The following ANK3 variants were observed in gnomAD, a reference collection of about 807,000 sequenced individuals.
The protein encoded by ANK3 is ankyrin 3.
ANK3 carries 57 observed loss-of-function variants against 370.9 expected under a neutral mutation model. The observed-to-expected ratio is 0.15, with a 90% CI of 0.12 to 0.19. The LOEUF (loss-of-function observed/expected upper bound fraction) is 0.19, where lower values mean the gene tolerates loss of function less well. ANK3 is among the 10% of genes least tolerant of loss of function. The pLI is 1.00. For synonymous variants in ANK3, 1,929 were observed against 1,946.3 expected, an observed-to-expected ratio of 0.99 and a Z score of 0.23; for missense variants, 4,439 against 5,302.1, an observed-to-expected ratio of 0.84 and a Z score of 5.06.
At position 60,654,315 on chromosome 10, in the gene ANK3, T is replaced by G. The variant is rs184796385; in HGVS notation, c.58-39091A>C. Among the ~76,000 whole-genome samples, 13 of 152,296 alleles carry G rather than the reference T, an allele frequency of 8.5e-5. No homozygotes were observed. In the East Asian group the frequency reaches 2.5e-3, roughly 29 times the overall value. ...ACATATTTTATTTTTCTTGCTTTACTACATTAATTAGGATCTCCAGTACCG... is the reference window on the plus strand; with the variant it reads ...ACATATTTTATTTTTCTTGCTTTACGACATTAATTAGGATCTCCAGTACCG... On this transcript the variant is annotated intron_variant, in intron 1 of 43. Coordinates refer to the ANK3 transcript ENST00000373827.
chr10:60,171,165 A>C (rs2095781649), intron 21 of ANK3, among the ~76,000 whole-genome samples: 1 of 152,220 alleles, frequency 6.6e-6, no homozygotes, highest in Non-Finnish European at 1.5e-5. Context: ...TGAAAGCAAC[A>C]TGTGGAAATT....
At chr10:60,144,104 T>A in intron 23 of ANK3, 1 of 332,374 alleles carries the variant, frequency 3.0e-6, no homozygotes, top group Non-Finnish European at 5.8e-6. Context: ...AGCTGCTGAC[T>A]GCAATCTCAT....
At chr10:60,041,252 T>C (rs2076041207) in intron 43 of ANK3, among the ~76,000 whole-genome samples, 1 of 152,176 alleles carries the variant, frequency 6.6e-6, no homozygotes, top group Non-Finnish European at 1.5e-5. Context: ...CACTCTTGCC[T>C]AAAATCCCTT....
chr10:60,732,489 A>G (rs182800309), intron 1 of ANK3, among the ~76,000 whole-genome samples: 2 of 152,188 alleles, frequency 1.3e-5, no homozygotes, highest in East Asian at 1.9e-4. Context: ...TCGTCAGGCA[A>G]CCGATTTCTA....
At chr10:60,492,911 C>G (rs1463224208) in intron 2 of ANK3, among the ~76,000 whole-genome samples, 1 of 139,880 alleles carries the variant, frequency 7.1e-6, no homozygotes, top group Non-Finnish European at 1.5e-5. Context: ...CCTGTCTCTA[C>G]TAAAAATACA....
intron 2 of ANK3, among the ~76,000 whole-genome samples, chr10:60,588,857 C>T (rs1303821321): frequency 2.0e-5 from 3 of 152,148 alleles, no homozygotes; most frequent in Admixed American, 6.5e-5. Flanking sequence ...CTGCAGTGAG[C>T]CATGTTCGCG....
chr10:60,313,164 G>A lies in ANK3; in HGVS notation c.115-33525C>T, dbSNP rs113979418. Among the ~76,000 whole-genome samples, 645 of 152,258 alleles carry A rather than the reference G, an allele frequency of 4.2e-3. 3 individuals carry two copies. The highest frequency in any genetic ancestry group is 0.027 in the Middle Eastern group (8 of 294). ...ATTGAGCACGTCTAGTCTGGAAATG[G>A]CGCTTACTCCCAGGACCCTGCGGAT... On this transcript the variant is annotated intron_variant, in intron 1 of 43. Transcript: ENST00000280772.
intron 2 of ANK3, among the ~76,000 whole-genome samples, chr10:60,423,594 T>C (rs530101923): frequency 6.6e-6 from 1 of 151,998 alleles, no homozygotes; most frequent in Non-Finnish European, 1.5e-5. Flanking sequence ...CTATATCCCT[T>C]ATGTACTAAT....
chr10:60,489,605 T>C (rs1197782687), intron 2 of ANK3, among the ~76,000 whole-genome samples: 1 of 152,188 alleles, frequency 6.6e-6, no homozygotes, highest in Non-Finnish European at 1.5e-5. Flanking sequence ...CTATACATAG[T>C]TCAAATTCAT....
At chr10:60,301,285 CATATACACACACAT>C (rs1566395600) in intron 1 of ANK3, among the ~76,000 whole-genome samples, 2 of 148,996 alleles carry the variant, frequency 1.3e-5, no homozygotes, top group African/African-American at 2.5e-5. Context: ...CACACGCACA[CATATACACACACAT>C]ACATATATAC....
chr10:60,254,250 A>G (rs1306499486), intron 7 of ANK3, among the ~76,000 whole-genome samples: 2 of 151,558 alleles, frequency 1.3e-5, no homozygotes, highest in African/African-American at 4.8e-5. Context: ...TTTCCCCCCA[A>G]ATATCTTCCA....
At chr10:60,114,427 G>A (rs2132113460) in intron 25 of ANK3, 96 bp from the exon 26 acceptor site, 1 of 524,726 alleles carries the variant, frequency 1.9e-6, no homozygotes. Context: ...TCTAATTCCA[G>A]ATAGACTTAC....
At chr10:60,102,602 A>T (rs2091468737) in intron 28 of ANK3, among the ~76,000 whole-genome samples, 1 of 152,216 alleles carries the variant, frequency 6.6e-6, no homozygotes, top group South Asian at 2.1e-4. Context: ...CCCAGGAGTT[A>T]TTCTACTAGT....
chr10:60,455,646 A>G (rs903684549), intron 2 of ANK3, among the ~76,000 whole-genome samples: 2 of 152,172 alleles, frequency 1.3e-5, no homozygotes, highest in Non-Finnish European at 2.9e-5. Context: ...TTAGTCAAAG[A>G]GGTGACTATA....
intron 1 of ANK3, among the ~76,000 whole-genome samples, chr10:60,353,268 C>CA (rs940759338): frequency 1.3e-5 from 2 of 151,076 alleles, no homozygotes. Context: ...GCTGGGATTA[C>CA]AGGCATGAGC....
intron 1 of ANK3, among the ~76,000 whole-genome samples, chr10:60,377,354 G>T (rs1165334110): frequency 6.6e-6 from 1 of 152,148 alleles, no homozygotes; most frequent in Non-Finnish European, 1.5e-5. Context: ...ATTGTTCAAG[G>T]TTATGATTTT....
At chr10:60,420,557 T>C (rs906701724) in intron 2 of ANK3, among the ~76,000 whole-genome samples, 4 of 151,818 alleles carry the variant, frequency 2.6e-5, no homozygotes, top group Admixed American at 2.6e-4. Context: ...ACCCAGAGAA[T>C]AAAAGTAAGT....
chr10:60,195,447 A>G (rs1468875966), intron 16 of ANK3, among the ~76,000 whole-genome samples: 1 of 151,994 alleles, frequency 6.6e-6, no homozygotes, highest in Admixed American at 6.6e-5. Flanking sequence ...CCTCCAACCA[A>G]TAGTGTTTAG....
At chr10:60,685,145 T>A in intron 1 of ANK3, 1 of 712,238 alleles carries the variant, frequency 1.4e-6, no homozygotes, top group South Asian at 1.7e-5. Context: ...AATGGAAAAG[T>A]GTCTACAGCC....
Sources: allele counts gnomAD v4.1 joint callset (sites outside exome capture counted in the v4.1 genomes callset), GRCh38; gene constraint gnomAD v4.1.1; transcripts MANE v1.5; gene names NCBI Gene and HGNC (gene_info 2026-07-23, HGNC 2026-07-21).